The following VPS8 variants were observed in gnomAD, a reference collection of about 807,000 sequenced individuals.
The protein encoded by VPS8 is VPS8 subunit of CORVET complex.
Under a neutral mutation model 216.4 loss-of-function variants are expected in VPS8, and 129 were observed. That is an observed-to-expected ratio of 0.60 (90% CI 0.52 to 0.69). VPS8 has a LOEUF of 0.69. Among genes scored for constraint, VPS8 ranks in the 30% least tolerant of loss-of-function variants. The pLI is 0.00. For synonymous variants in VPS8, 571 were observed against 565.4 expected (o/e 1.01, Z -0.14); for missense variants, 1,531 against 1,683.5 (o/e 0.91, Z 1.59).
At chr3:184,827,062 T>C (rs1235894337) in intron 3 of VPS8, among the ~76,000 whole-genome samples, 2 of 152,208 alleles carry the variant, frequency 1.3e-5, no homozygotes, top group African/African-American at 2.4e-5. Flanking sequence ...GATCTTGCAA[T>C]GTATAAATCT....
chr3:184,893,182 T>G, intron 22 of VPS8: 2 of 1,027,942 alleles, frequency 1.9e-6, no homozygotes, highest in Non-Finnish European at 2.5e-6. Flanking sequence ...CAGGGTGGTG[T>G]GGAGTTCTGG....
intron 45 of VPS8, among the ~76,000 whole-genome samples, chr3:185,023,973 C>T (rs1411274933): frequency 6.6e-6 from 1 of 152,208 alleles, no homozygotes; most frequent in African/African-American, 2.4e-5. Context: ...AGGGATATTA[C>T]ATCACAGTAG....
At chr3:184,925,926 A>C (rs564256221) in intron 30 of VPS8, among the ~76,000 whole-genome samples, 6 of 151,174 alleles carry the variant, frequency 4.0e-5, no homozygotes, top group African/African-American at 1.5e-4. Context: ...GGCACATACC[A>C]CCACGCCCGG....
At chr3:184,866,077 G>A (rs1206611132) in intron 16 of VPS8, among the ~76,000 whole-genome samples, 1 of 151,768 alleles carries the variant, frequency 6.6e-6, no homozygotes, top group Non-Finnish European at 1.5e-5. Flanking sequence ...GAAAACACAC[G>A]CTTATATAAA....
In VPS8 at chr3:184,898,572, T is replaced by C; in HGVS notation, c.2012T>C (p.Leu671Pro). ...GGCTTTTCCTTTTCACAGGTAGTTC[T>C]CATGTGTTGGGAAAATCGTTTATAT... ...ITSLDIQQVV[L>P]MCWENRLYDA... The change falls in exon 24 of 48, where the codon CTC becomes CCC. Residue 671 changes from leucine to proline, a missense_variant. By Grantham distance (98) the Leu-to-Pro change is moderately conservative (BLOSUM62 -3). Around this residue, in one of 3 missense-constraint regions of VPS8, gnomAD observed 1,318 missense variants for 1,468.4 expected, o/e 0.90. Transcript: ENST00000625842. The C allele has an allele frequency of 6.4e-7, 1 of 1,552,084 alleles. No homozygotes were observed. Among genetic ancestry groups the C allele is most frequent in the Non-Finnish European group, 8.7e-7 (1 of 1,147,026 alleles).
chr3:184,945,153 CTT>C (rs1389085842), intron 36 of VPS8, among the ~76,000 whole-genome samples: 1 of 151,482 alleles, frequency 6.6e-6, no homozygotes, highest in African/African-American at 2.4e-5. Context: ...TCCTCTCTCT[CTT>C]TCTCTCTCTC....
intron 40 of VPS8, chr3:184,982,302 GACTT>G: frequency 2.3e-6 from 1 of 428,878 alleles, no homozygotes; most frequent in Non-Finnish European, 4.1e-6. Flanking sequence ...CCGAGGCCTA[GACTT>G]ACTTAACAGT....
At chr3:184,901,902 A>G (rs751749305) in intron 25 of VPS8, among the ~76,000 whole-genome samples, 2 of 152,180 alleles carry the variant, frequency 1.3e-5, no homozygotes, top group East Asian at 1.9e-4. Context: ...CTCATCAACA[A>G]TACTTGAGAG....
At chr3:184,908,738 G>A (rs1206899691) in intron 25 of VPS8, among the ~76,000 whole-genome samples, 2 of 152,216 alleles carry the variant, frequency 1.3e-5, no homozygotes, top group Non-Finnish European at 2.9e-5. Flanking sequence ...CAATTGAAGA[G>A]TGAGCAAGGT....
chr3:184,939,007 G>A (rs1214237867), intron 35 of VPS8, among the ~76,000 whole-genome samples: 1 of 147,994 alleles, frequency 6.8e-6, no homozygotes, highest in Non-Finnish European at 1.5e-5. Flanking sequence ...TCCAGCCTGG[G>A]TGACAGAGTG....
chr3:184,944,646 AT>A, intron 36 of VPS8: 1 of 953,276 alleles, frequency 1.0e-6, no homozygotes, highest in Non-Finnish European at 1.2e-6. Context: ...GGTAATGTTG[AT>A]TTAGCCTTTG....
intron 36 of VPS8, among the ~76,000 whole-genome samples, chr3:184,953,310 A>G (rs1180772775): frequency 6.6e-6 from 1 of 152,202 alleles, no homozygotes; most frequent in East Asian, 1.9e-4. Flanking sequence ...CCAAATTGCA[A>G]ATCACTACAT....
At chr3:184,914,866 G>C (rs1476599674) in intron 26 of VPS8, 115 bp from the exon 27 acceptor site, 1 of 1,047,616 alleles carries the variant, frequency 9.5e-7, no homozygotes, top group Non-Finnish European at 1.5e-6. Flanking sequence ...ACTGACAAAA[G>C]CTGAGCCTAC....
intron 40 of VPS8, among the ~76,000 whole-genome samples, chr3:184,981,084 A>G (rs752081801): frequency 1.3e-5 from 2 of 152,228 alleles, no homozygotes; most frequent in Non-Finnish European, 2.9e-5. Context: ...GCCAAGGCTC[A>G]GCTCAGCACT....
At chr3:185,002,766 G>A (rs1753591369) in intron 45 of VPS8, among the ~76,000 whole-genome samples, 1 of 152,122 alleles carries the variant, frequency 6.6e-6, no homozygotes, top group Admixed American at 6.5e-5. Context: ...TCCAGATTGT[G>A]CAAATGCCAT....
intron 1 of VPS8, chr3:184,813,610 A>T (rs931416933): frequency 6.6e-6 from 1 of 152,228 alleles, no homozygotes; most frequent in African/African-American, 2.4e-5. Flanking sequence ...TGGGCTTTAT[A>T]TGGTCAAAGA....
rs766904377 is a variant in VPS8 at position 184,993,954 on chromosome 3, G to A, written c.3586-29G>A. On this transcript the variant is annotated intron_variant, in intron 42 of 47. Transcript: ENST00000625842. The stretch of plus-strand genomic sequence containing the variant: ...TAAAGTAATTTTAAAATACAGAATT[G>A]TAACAGAATTGTAATTTTTTCCGAT... 17 of 1,485,628 alleles carry A rather than the reference G, an allele frequency of 1.1e-5. No individual in the cohort carries two copies. In the African/African-American group the frequency reaches 2.4e-4, roughly 21 times the overall value. The allele number at this position is 1,485,628 out of a possible 1,614,324, so 92.0% of individuals were successfully genotyped here. A position where few individuals can be genotyped will look rare whatever the true frequency, so the allele number is the denominator to read the frequency against.
chr3:185,037,065 CTTTT>C (rs147431217), intron 46 of VPS8, among the ~76,000 whole-genome samples: 1 of 143,240 alleles, frequency 7.0e-6, no homozygotes, highest in Non-Finnish European at 1.5e-5. Context: ...TTTGCAGTTC[CTTTT>C]TTTTTTTTTA....
intron 42 of VPS8, among the ~76,000 whole-genome samples, chr3:184,991,045 T>G (rs1751836872): frequency 6.6e-6 from 1 of 152,176 alleles, no homozygotes; most frequent in Non-Finnish European, 1.5e-5. Context: ...TGAGAAGCCG[T>G]TTATTACTTT....
Sources: allele counts gnomAD v4.1 joint callset (sites outside exome capture counted in the v4.1 genomes callset), GRCh38; gene constraint gnomAD v4.1.1; regional missense constraint gnomAD v4.1.1; transcripts MANE v1.5; gene names NCBI Gene and HGNC (gene_info 2026-07-23, HGNC 2026-07-21).